The following SLC30A8 variants were observed in gnomAD, a reference collection of about 807,000 sequenced individuals.
The protein encoded by SLC30A8 is proton-coupled zinc antiporter SLC30A8.
In SLC30A8, 27 loss-of-function variants were observed where a neutral mutation model predicts 36.9. That is an observed-to-expected ratio of 0.73 (90% CI 0.54 to 1.01). The LOEUF is 1.01. SLC30A8 is among the 50% of genes least tolerant of loss of function. SLC30A8 has a pLI of 0.00. For missense variants in SLC30A8, 439 were observed against 452.0 expected, an observed-to-expected ratio of 0.97 and a Z score of 0.26; for synonymous variants, 164 against 172.4, an observed-to-expected ratio of 0.95 and a Z score of 0.38.
chr8:116,960,520 G>C (rs28404658), intron 1 of SLC30A8, among the ~76,000 whole-genome samples: 3 of 152,114 alleles, frequency 2.0e-5, no homozygotes, highest in Non-Finnish European at 2.9e-5. Flanking sequence ...GGGAAATACC[G>C]TAAGTATTCG....
intron 1 of SLC30A8, among the ~76,000 whole-genome samples, chr8:117,025,339 T>C (rs1230041796): frequency 6.6e-6 from 1 of 152,224 alleles, no homozygotes; most frequent in Non-Finnish European, 1.5e-5. Context: ...AGAACTTTTA[T>C]GCATTTTGAG....
rs1822267911 is a variant in SLC30A8, at chr8:117,152,995, T to C, written c.323T>C (p.Leu108Ser). The C allele has an allele frequency of 6.2e-7, 1 of 1,613,586 alleles. No individual in the cohort carries two copies. Among genetic ancestry groups the C allele is most frequent in the Admixed American group, 1.7e-5 (1 of 59,996 alleles). Residue 108 changes from leucine to serine, a missense_variant, in exon 3 of 8, where the codon TTA (leucine) becomes TCA (serine). Physicochemically the swap from Leu to Ser is moderately radical, Grantham distance 145. Coordinates refer to ENST00000456015, the MANE Select transcript of SLC30A8 (RefSeq NM_173851.3). ...GTTGTCACAGATGCTGCCCACCTCT[T>C]AATTGACCTGACCAGTTTCCTGCTC... ...LAVVTDAAHL[L>S]IDLTSFLLSL...
chr8:117,063,286 A>G (rs1271950809), intron 2 of SLC30A8, among the ~76,000 whole-genome samples: 5 of 151,968 alleles, frequency 3.3e-5, no homozygotes, highest in Non-Finnish European at 7.4e-5. Flanking sequence ...CGGGGAAATT[A>G]TGGTCCAGGC....
intron 1 of SLC30A8, among the ~76,000 whole-genome samples, chr8:116,954,730 C>T (rs990770647): frequency 6.6e-6 from 1 of 152,144 alleles, no homozygotes; most frequent in Non-Finnish European, 1.5e-5. Context: ...GAGGAGATAG[C>T]TCAGTAGCTA....
Position 117,161,645 on chromosome 8 carries a change from G to A in SLC30A8, c.573-93G>A, listed in dbSNP as rs1822794068. The A allele has an allele frequency of 2.5e-6, 3 of 1,199,140 alleles. No individual in the cohort carries two copies. The South Asian group carries it at 4.8e-5, about 19-fold the overall frequency. The allele number at this position is 1,199,140 out of a possible 1,614,324, so 74.3% of individuals were successfully genotyped here. Reference sequence around the variant, plus strand: ...AAATATTTCAACTATCCATCATTTTGGATAATGCATGTTATTGCCAGCTTC... The same window carrying A: ...AAATATTTCAACTATCCATCATTTTAGATAATGCATGTTATTGCCAGCTTC... On this transcript the variant is annotated intron_variant, in intron 4 of 7. Transcript: ENST00000456015.
chr8:116,981,813 ATGAT>A (rs1204219765), intron 1 of SLC30A8, among the ~76,000 whole-genome samples: 3 of 152,156 alleles, frequency 2.0e-5, no homozygotes, highest in African/African-American at 4.8e-5. Flanking sequence ...AATCCAGTCT[ATGAT>A]TGATGGGCAT....
At chr8:117,034,043 C>G (rs1170754945) in intron 1 of SLC30A8, among the ~76,000 whole-genome samples, 1 of 152,122 alleles carries the variant, frequency 6.6e-6, no homozygotes, top group African/African-American at 2.4e-5. Flanking sequence ...GGTCACATAG[C>G]TAGTTGTCCT....
intron 2 of SLC30A8, among the ~76,000 whole-genome samples, chr8:117,059,665 G>A (rs1023105756): frequency 5.3e-5 from 8 of 152,190 alleles, no homozygotes; most frequent in Non-Finnish European, 8.8e-5. Flanking sequence ...TTAGTTGGAC[G>A]ATAGATCGTA....
At chr8:117,040,436 T>A (rs1248418391) in intron 2 of SLC30A8, among the ~76,000 whole-genome samples, 1 of 152,216 alleles carries the variant, frequency 6.6e-6, no homozygotes, top group Non-Finnish European at 1.5e-5. Flanking sequence ...TGGAACTGAT[T>A]TGTACTTAGC....
At chr8:116,955,857 A>G (rs927869991) in intron 1 of SLC30A8, among the ~76,000 whole-genome samples, 1 of 151,984 alleles carries the variant, frequency 6.6e-6, no homozygotes, top group Non-Finnish European at 1.5e-5. Flanking sequence ...AACCCTGCTG[A>G]CTCCTTGATT....
intron 1 of SLC30A8, among the ~76,000 whole-genome samples, chr8:117,033,687 GA>G (rs1440996634): frequency 6.6e-6 from 1 of 152,184 alleles, no homozygotes; most frequent in African/African-American, 2.4e-5. Flanking sequence ...AAAAGTGGAA[GA>G]GGAGGTCAGA....
intron 2 of SLC30A8, among the ~76,000 whole-genome samples, chr8:117,065,226 C>G (rs1193198398): frequency 6.6e-6 from 1 of 151,972 alleles, no homozygotes. Context: ...AAATTTAAAG[C>G]CTTATAAATA....
chr8:117,007,437 A>G (rs1441536640), intron 1 of SLC30A8, among the ~76,000 whole-genome samples: 1 of 152,188 alleles, frequency 6.6e-6, no homozygotes, highest in Non-Finnish European at 1.5e-5. Context: ...TAGAATTGGA[A>G]AACTGCCCTT....
Position 117,063,929 on chromosome 8 carries a change from G to A in SLC30A8, c.-226+24671G>A, listed in dbSNP as rs547237365. On this transcript the variant is annotated intron_variant, in intron 2 of 10. Transcript: ENST00000427715. ...GTCTTACTTTTCTATTAAGAGATCC[G>A]AGAAAGGACCACCTTTCATGATGGC... Among the ~76,000 whole-genome samples the A allele has an allele frequency of 7.9e-4, 120 of 152,198 alleles. 2 individuals carry two copies. In the South Asian group the frequency reaches 0.023, roughly 30 times the overall value.
intron 2 of SLC30A8, among the ~76,000 whole-genome samples, chr8:117,116,393 A>G (rs1425529172): frequency 1.3e-5 from 2 of 152,102 alleles, no homozygotes; most frequent in African/African-American, 4.8e-5. Flanking sequence ...GAAATTCTGT[A>G]TAATTATCAT....
chr8:117,029,133 T>G (rs1816957716), intron 1 of SLC30A8, among the ~76,000 whole-genome samples: 1 of 152,210 alleles, frequency 6.6e-6, no homozygotes, highest in Admixed American at 6.5e-5. Flanking sequence ...GAACTATCCA[T>G]TTTTCTAAGA....
chr8:117,074,070 G>A (rs2130802965), intron 2 of SLC30A8, among the ~76,000 whole-genome samples: 2 of 152,174 alleles, frequency 1.3e-5, no homozygotes, highest in South Asian at 4.2e-4. Context: ...GACAGAAGGT[G>A]GAAGACTTCA....
chr8:117,172,121 A>G (rs2129779851), intron 7 of SLC30A8, among the ~76,000 whole-genome samples: 1 of 152,166 alleles, frequency 6.6e-6, no homozygotes, highest in African/African-American at 2.4e-5. Context: ...GGAGCTCTAA[A>G]CGCTTCCTGG....
At chr8:117,043,903 TGAG>T (rs1359235048) in intron 2 of SLC30A8, among the ~76,000 whole-genome samples, 17 of 152,338 alleles carry the variant, frequency 1.1e-4, no homozygotes, top group East Asian at 3.9e-4. Context: ...CAATAAGTGT[TGAG>T]GAGGCAACTT....
Sources: allele counts gnomAD v4.1 joint callset (sites outside exome capture counted in the v4.1 genomes callset), GRCh38; gene constraint gnomAD v4.1.1; transcripts MANE v1.5; gene names NCBI Gene and HGNC (gene_info 2026-07-23, HGNC 2026-07-21).